PARP4: variants seen among roughly 807,000 people sequenced by gnomAD.
PARP4 encodes the protein protein mono-ADP-ribosyltransferase PARP4.
PARP4 carries 120 observed loss-of-function variants against 187.7 expected under a neutral mutation model. That is an observed-to-expected ratio of 0.64 (90% CI 0.55 to 0.74). The LOEUF (loss-of-function observed/expected upper bound fraction) is 0.74. Ranked by LOEUF, PARP4 falls within the 30% of genes least tolerant of loss-of-function variation. The pLI is 0.00. For missense variants in PARP4, 1,836 were observed against 2,070.5 expected (o/e 0.89, Z 2.20); for synonymous variants, 654 against 740.9 (o/e 0.88, Z 1.90).
chr13:24,449,726 TC>T lies in PARP4; in HGVS notation c.3105del (p.Trp1035Ter). The T allele has an allele frequency of 6.4e-7, 1 of 1,571,178 alleles. No individual in the cohort carries two copies. The highest frequency in any genetic ancestry group is 8.7e-7 in the Non-Finnish European group (1 of 1,143,338). ...EYFNAKSKHSWRKQIEDQMTR... is the reference protein window; with the variant it reads ...EYFNAKSKHSXRKQIEDQMTR... Reference sequence around the variant, plus strand: ...ATGTTTAAAAAACATACCTGTTTTCTCCAACTATGCTTGGATTTTGCATTAA... The same window carrying T: ...ATGTTTAAAAAACATACCTGTTTTCTCAACTATGCTTGGATTTTGCATTAA... On this transcript the variant is annotated frameshift_variant, in exon 25 of 34. Coordinates refer to ENST00000381989, the MANE Select transcript of PARP4 (RefSeq NM_006437.4). LOFTEE classifies it high-confidence loss of function.
At chr13:24,504,416 C>T (rs1593658229) in intron 1 of PARP4, among the ~76,000 whole-genome samples, 2 of 143,618 alleles carry the variant, frequency 1.4e-5, no homozygotes, top group East Asian at 2.2e-4. Flanking sequence ...CTGGTTCAAG[C>T]GATTCCCCTG....
chr13:24,456,857 G>A (rs1422782270), intron 20 of PARP4, among the ~76,000 whole-genome samples: 2 of 151,964 alleles, frequency 1.3e-5, no homozygotes, highest in East Asian at 1.9e-4. Context: ...CCAAGATCGC[G>A]CCACTGCACT....
Position 24,503,287 on chromosome 13 carries a change from G to A in PARP4, c.132+358C>T, listed in dbSNP as rs920515572. 6.0e-4 allele frequency among the ~76,000 whole-genome samples: 91 copies of A among 152,248 alleles called. 1 individual carries two copies. Among genetic ancestry groups the A allele is most frequent in the Non-Finnish European group, 4.4e-5 (3 of 68,038 alleles). ...ATATCACCCCAGCGTTGACATACTGGTGAGTGACGACAGTGCGCTTTTTGC... is the reference window on the plus strand; with the variant it reads ...ATATCACCCCAGCGTTGACATACTGATGAGTGACGACAGTGCGCTTTTTGC... On this transcript the variant is annotated intron_variant, in intron 2 of 33. Transcript: ENST00000381989.
At chr13:24,455,506 T>TATATATATATATATAACA (rs1555234626) in intron 21 of PARP4, among the ~76,000 whole-genome samples, 2 of 135,450 alleles carry the variant, frequency 1.5e-5, no homozygotes, top group African/African-American at 5.5e-5. Flanking sequence ...TATATATATA[T>TATATATATATATATAACA]CACACTATTC....
chr13:24,498,406 C>G (rs1869082127), intron 5 of PARP4, among the ~76,000 whole-genome samples, 177 bp from the exon 6 acceptor site: 1 of 152,146 alleles, frequency 6.6e-6, no homozygotes. Context: ...GCAATACGAT[C>G]ACTATTAATA....
intron 1 of PARP4, among the ~76,000 whole-genome samples, chr13:24,506,242 G>C (rs955306370): frequency 3.9e-5 from 6 of 152,076 alleles, no homozygotes; most frequent in African/African-American, 1.4e-4. Flanking sequence ...AGTTTGTCCG[G>C]AGTTGTTTAC....
intron 3 of PARP4, among the ~76,000 whole-genome samples, chr13:24,501,023 T>C (rs1869245369): frequency 6.6e-6 from 1 of 152,202 alleles, no homozygotes; most frequent in Non-Finnish European, 1.5e-5. Context: ...TGCTGGGACA[T>C]GTGCTGGGAC....
chr13:24,463,976 A>G (rs926123306), intron 17 of PARP4, among the ~76,000 whole-genome samples: 5 of 152,298 alleles, frequency 3.3e-5, no homozygotes, highest in Middle Eastern at 3.4e-3. Context: ...AATGTGCAAA[A>G]GTCACAAGCA....
At position 24,460,064 on chromosome 13, in the gene PARP4, C is replaced by A; in HGVS notation, c.2206G>T (p.Glu736Ter). ...KVLIKITYIT[E>*]LSILGTVGVF... Reference sequence around the variant, plus strand: ...CCAACAGTGCCCAGGATGCTGAGTTCTGTGATGTAGGTAATTTTTATAAGA... The same window carrying A: ...CCAACAGTGCCCAGGATGCTGAGTTATGTGATGTAGGTAATTTTTATAAGA... The change falls in exon 18 of 34, where the codon GAA becomes TAA. Residue 736 changes from glutamate (E) to a stop codon, truncating the protein, a stop_gained. Coordinates refer to ENST00000381989, the MANE Select transcript of PARP4 (RefSeq NM_006437.4). LOFTEE classifies it high-confidence loss of function. 3.1e-6 allele frequency: 5 copies of A among 1,614,018 alleles called. No homozygotes were observed. The highest frequency in any genetic ancestry group is 3.4e-6 in the Non-Finnish European group (4 of 1,179,924).
chr13:24,475,671 T>G, intron 14 of PARP4, 75 bp from the exon 15 acceptor site: 1 of 1,408,778 alleles, frequency 7.1e-7, no homozygotes, highest in Non-Finnish European at 9.9e-7. Context: ...CTTTATTCCT[T>G]CTTCAAGCCT....
Position 24,443,466 on chromosome 13 carries a change from C to G in PARP4, c.3447+184G>C, listed in dbSNP as rs142438741. Reference sequence around the variant, plus strand: ...ACTGACATCCATCCTTTTGTTAATTCATTCAACAAACATTTACCACACACC... The same window carrying G: ...ACTGACATCCATCCTTTTGTTAATTGATTCAACAAACATTTACCACACACC... On this transcript the variant is annotated intron_variant, in intron 28 of 33. Transcript: ENST00000381989. 2.0e-3 allele frequency among the ~76,000 whole-genome samples: 300 copies of G among 152,042 alleles called. 1 individual carries two copies. Among genetic ancestry groups the G allele is most frequent in the African/African-American group, 6.7e-3 (276 of 41,446 alleles).
chr13:24,426,694 T>C, intron 32 of PARP4, 96 bp from the exon 33 acceptor site: 1 of 1,074,016 alleles, frequency 9.3e-7, no homozygotes, highest in Admixed American at 2.2e-5. Flanking sequence ...CAATACGCCA[T>C]CTGGCTAACA....
intron 1 of PARP4, among the ~76,000 whole-genome samples, chr13:24,506,546 T>G (rs551752866): frequency 1.3e-5 from 2 of 152,294 alleles, no homozygotes; most frequent in East Asian, 3.9e-4. Context: ...ATCCCTGAGC[T>G]AGACACAAGT....
At chr13:24,437,616 CT>C (rs928771112) in intron 30 of PARP4, among the ~76,000 whole-genome samples, 1 of 152,096 alleles carries the variant, frequency 6.6e-6, no homozygotes, top group Non-Finnish European at 1.5e-5. Context: ...AAACATGCTC[CT>C]CTTCATTCAT....
At chr13:24,464,771 A>T (rs1872372226) in intron 17 of PARP4, among the ~76,000 whole-genome samples, 1 of 152,254 alleles carries the variant, frequency 6.6e-6, no homozygotes, top group Non-Finnish European at 1.5e-5. Context: ...CAAAAATTGC[A>T]GCAAAAGCAA....
chr13:24,505,075 TCACTGTAATCTCTGCC>T (rs1869543673), intron 1 of PARP4, among the ~76,000 whole-genome samples: 1 of 148,008 alleles, frequency 6.8e-6, no homozygotes, highest in South Asian at 2.3e-4. Flanking sequence ...AGATCTCAGC[TCACTGTAATCTCTGCC>T]CACTGCAATC....
chr13:24,500,532 G>A lies in PARP4; in HGVS notation c.335-150C>T, dbSNP rs563108463. 1.0e-4 allele frequency: 49 copies of A among 472,524 alleles called. No homozygotes were observed. The East Asian group carries it at 1.3e-3, about 13-fold the overall frequency. The allele number at this position is 472,524 out of a possible 1,614,324, so 29.3% of individuals were successfully genotyped here. A position where few individuals can be genotyped will look rare whatever the true frequency, so the allele number is the denominator to read the frequency against. On this transcript the variant is annotated intron_variant, in intron 3 of 33. Coordinates refer to ENST00000381989, the MANE Select transcript of PARP4 (RefSeq NM_006437.4). ...CAAAGGATAACCCAGTGGGAAAAGA[G>A]GAAGGTATAACCTTATAAAATAGGG... is the stretch of plus-strand genomic sequence containing the variant.
rs1402792099 is a variant in PARP4 at position 24,447,049 on chromosome 13, G to A, written c.3252C>T (p.Leu1084=). 1.2e-6 allele frequency: 2 copies of A among 1,606,040 alleles called. No individual in the cohort carries two copies. The highest frequency in any genetic ancestry group is 1.3e-5 in the African/African-American group (1 of 74,772). The change falls in exon 26 of 34, where the codon CTC becomes CTT. Residue 1084 remains leucine (L), a synonymous_variant. Transcript: ENST00000381989. ...QVPSLFLNDR[L]LVYGFIPHCT... is the part of the protein sequence containing the mutation. Reference sequence around the variant, plus strand: ...AGTGAGGAATGAATCCATAGACAAGGAGTCGATCATTGAGAAACAAGGACG... The same window carrying A: ...AGTGAGGAATGAATCCATAGACAAGAAGTCGATCATTGAGAAACAAGGACG...
At chr13:24,455,987 A>G (rs1474642257) in intron 21 of PARP4, among the ~76,000 whole-genome samples, 1 of 152,154 alleles carries the variant, frequency 6.6e-6, no homozygotes, top group Non-Finnish European at 1.5e-5. Context: ...AAATGATCTT[A>G]TTACCAACCA....
Sources: gnomAD v4.1 joint callset for allele counts (sites outside exome capture counted in the v4.1 genomes callset) on GRCh38, gnomAD v4.1.1 for gene constraint, MANE v1.5 for transcripts, NCBI Gene and HGNC (gene_info 2026-07-23, HGNC 2026-07-21) for gene names.